The following NBPF11 variants were observed in gnomAD, a reference collection of about 807,000 sequenced individuals.
The protein encoded by NBPF11 is NBPF family member NBPF11.
A neutral mutation model predicts 93.9 loss-of-function variants in NBPF11; 72 were observed. That is an observed-to-expected ratio of 0.77 (90% CI 0.63 to 0.93). The LOEUF is 0.93. NBPF11 is among the 40% of genes least tolerant of loss of function. The pLI is 0.00. For missense variants in NBPF11, 705 were observed against 802.2 expected (o/e 0.88, Z 1.46); for synonymous variants, 224 against 304.9 (o/e 0.73, Z 2.76).
At chr1:148,120,946 A>C (rs1233984987) in intron 9 of NBPF11, among the ~76,000 whole-genome samples, 2 of 152,070 alleles carry the variant, frequency 1.3e-5, no homozygotes, top group Non-Finnish European at 2.9e-5. Flanking sequence ...CGTTTCTATA[A>C]AGCAAGGCTT....
At chr1:148,127,633 GT>G in intron 4 of NBPF11, among the ~76,000 whole-genome samples, 1 of 121,906 alleles carries the variant, frequency 8.2e-6, no homozygotes, top group Non-Finnish European at 1.7e-5. Context: ...ATGTTCTCTT[GT>G]TTTGACTTTT....
intron 5 of NBPF11, among the ~76,000 whole-genome samples, chr1:148,125,934 C>A (rs1327048462): frequency 4.6e-5 from 7 of 152,030 alleles, no homozygotes; most frequent in East Asian, 1.9e-4. Context: ...AGCCTGTGCA[C>A]CAGGAAGCAG....
intron 12 of NBPF11, among the ~76,000 whole-genome samples, chr1:148,116,764 C>T (rs28673581): frequency 3.2e-4 from 49 of 151,962 alleles, no homozygotes; most frequent in Admixed American, 1.9e-3. Context: ...ATTGAAAAGA[C>T]CTTTTGCTTC....
chr1:148,139,946 T>G lies in NBPF11; in HGVS notation c.-276-2137A>C, dbSNP rs1208112457. Among the ~76,000 whole-genome samples, 20 of 150,650 alleles carry G rather than the reference T, an allele frequency of 1.3e-4. 1 individual carries two copies. Among genetic ancestry groups the G allele is most frequent in the South Asian group, 6.3e-4 (3 of 4,758 alleles). On this transcript the variant is annotated intron_variant, in intron 2 of 23. Transcript: ENST00000682118. Reference sequence around the variant, plus strand: ...GGGGGAATCTTACACATTTCCAAGTTTTACTACAATGATCTCAACCAGGTT... The same window carrying G: ...GGGGGAATCTTACACATTTCCAAGTGTTACTACAATGATCTCAACCAGGTT...
chr1:148,126,002 T>G (rs1275054878), intron 5 of NBPF11, among the ~76,000 whole-genome samples: 2 of 151,926 alleles, frequency 1.3e-5, no homozygotes, highest in African/African-American at 2.4e-5. Context: ...TTTATTTATC[T>G]TTTTGTTTGT....
chr1:148,135,945 G>A (rs1671208039), intron 3 of NBPF11, 132 bp from the exon 4 acceptor site: 3 of 676,696 alleles, frequency 4.4e-6, no homozygotes, highest in Non-Finnish European at 7.7e-6. Flanking sequence ...CTGGTCACAG[G>A]ATTCTTTACA....
chr1:148,128,081 A>AT (rs1669540434), intron 4 of NBPF11, among the ~76,000 whole-genome samples: 1 of 144,940 alleles, frequency 6.9e-6, no homozygotes, highest in South Asian at 2.1e-4. Flanking sequence ...TTTTATATCC[A>AT]TTTTTCTGAT....
intron 6 of NBPF11, among the ~76,000 whole-genome samples, chr1:148,124,320 G>A (rs1277646806): frequency 6.6e-6 from 1 of 151,072 alleles, no homozygotes; most frequent in African/African-American, 2.4e-5. Flanking sequence ...ATAAAAGTAG[G>A]TGTCTTCCTA....
intron 23 of NBPF11, among the ~76,000 whole-genome samples, chr1:148,104,124 GAGAC>G: frequency 7.0e-6 from 1 of 143,606 alleles, no homozygotes; most frequent in Non-Finnish European, 1.5e-5. Flanking sequence ...GACAGAGACA[GAGAC>G]AGAGACAGAG....
At chr1:148,144,136 T>C (rs1672625480) in intron 1 of NBPF11, among the ~76,000 whole-genome samples, 1 of 151,362 alleles carries the variant, frequency 6.6e-6, no homozygotes, top group African/African-American at 2.4e-5. Context: ...AATTCGATTC[T>C]TTCTGTTAGG....
At chr1:148,121,085 C>T (rs1420694571) in intron 9 of NBPF11, among the ~76,000 whole-genome samples, 33 of 151,756 alleles carry the variant, frequency 2.2e-4, no homozygotes, top group Admixed American at 6.5e-4. Flanking sequence ...CACTCTGTCG[C>T]GCAGGCTGCA....
At chr1:148,125,689 G>A (rs1668952891) in intron 5 of NBPF11, among the ~76,000 whole-genome samples, 1 of 152,034 alleles carries the variant, frequency 6.6e-6, no homozygotes, top group African/African-American at 2.4e-5. Context: ...TGTTTACACT[G>A]TGCCAATTAA....
At chr1:148,146,112 G>A (rs1295071365) in intron 1 of NBPF11, among the ~76,000 whole-genome samples, 2 of 151,852 alleles carry the variant, frequency 1.3e-5, no homozygotes, top group African/African-American at 4.8e-5. Context: ...GGGCGGCCGG[G>A]AGCCATGGAG....
intron 10 of NBPF11, among the ~76,000 whole-genome samples, chr1:148,119,862 C>T (rs1361849834): frequency 6.6e-6 from 1 of 151,964 alleles, no homozygotes; most frequent in African/African-American, 2.4e-5. Flanking sequence ...CTCCATGTTG[C>T]CCAGGCTGGT....
chr1:148,146,297 C>T, intron 1 of NBPF11: 3 of 1,347,544 alleles, frequency 2.2e-6, no homozygotes, highest in Non-Finnish European at 2.8e-6. Context: ...TCCCCCCTGC[C>T]CGCGACTCGG....
chr1:148,145,822 C>G (rs1316595071), intron 1 of NBPF11, among the ~76,000 whole-genome samples: 2 of 151,036 alleles, frequency 1.3e-5, no homozygotes, highest in African/African-American at 4.9e-5. Flanking sequence ...CGAGGTTGCA[C>G]TAAGCTGTGA....
At chr1:148,104,440 C>A (rs1396816042) in intron 23 of NBPF11, 97 bp downstream of exon 23, 9 of 614,316 alleles carry the variant, frequency 1.5e-5, no homozygotes, top group African/African-American at 2.0e-5. Context: ...ATTCAGCCTT[C>A]GTTGAAAACA....
chr1:148,125,602 A>C (rs1187017443), intron 5 of NBPF11, among the ~76,000 whole-genome samples: 6 of 151,884 alleles, frequency 4.0e-5, no homozygotes, highest in Non-Finnish European at 7.3e-5. Flanking sequence ...GATTTAGATT[A>C]GTTGTGTTAA....
rs1417682496 is a variant in NBPF11, at chr1:148,103,899, G to A, written c.2595C>T (p.Cys865=). Residue 865 remains cysteine, a synonymous_variant, in exon 24 of 24, where the codon TGC becomes TGT. Coordinates refer to ENST00000682118, the MANE Select transcript of NBPF11 (RefSeq NM_001385469.3). ...ACTTCAGGCACTTCCACTTCCATCA[G>A]CACGCTGCTGAGCCTGGAAAAGGAG... ...KTHHAPGSAA[C] 1.9e-6 allele frequency: 3 copies of A among 1,611,006 alleles called. No individual in the cohort carries two copies. The highest frequency in any genetic ancestry group is 2.5e-6 in the Non-Finnish European group (3 of 1,179,148).
Sources: gnomAD v4.1 joint callset for allele counts (sites outside exome capture counted in the v4.1 genomes callset) on GRCh38, gnomAD v4.1.1 for gene constraint, MANE v1.5 for transcripts, NCBI Gene and HGNC (gene_info 2026-07-23, HGNC 2026-07-21) for gene names.